Variants in MAN2A1 observed in about 807,000 individuals in gnomAD.
The protein encoded by MAN2A1 is mannosidase alpha class 2A member 1, also known as alpha-mannosidase 2.
A neutral mutation model predicts 142.6 loss-of-function variants in MAN2A1; 76 were observed. The observed-to-expected ratio is 0.53, with a 90% CI of 0.44 to 0.65. The LOEUF is 0.65. Ranked by LOEUF, MAN2A1 falls within the 30% of genes least tolerant of loss-of-function variation. The pLI is 0.00. For synonymous variants in MAN2A1, 559 were observed against 473.2 expected (o/e 1.18, Z -2.35); for missense variants, 1,311 against 1,365.1 (o/e 0.96, Z 0.62).
intron 16 of MAN2A1, among the ~76,000 whole-genome samples, chr5:109,827,811 T>A (rs548237966): frequency 7.6e-4 from 115 of 152,286 alleles, no homozygotes; most frequent in Non-Finnish European, 1.4e-3. Context: ...GTTCAGAATT[T>A]CTAATGAAGG....
At chr5:109,833,876 G>T (rs933463584) in intron 16 of MAN2A1, among the ~76,000 whole-genome samples, 1 of 152,110 alleles carries the variant, frequency 6.6e-6, no homozygotes, top group African/African-American at 2.4e-5. Flanking sequence ...TTCAATTTTG[G>T]TGAAAGCAAG....
At chr5:109,777,185 T>C (rs1432724205) in intron 8 of MAN2A1, among the ~76,000 whole-genome samples, 4 of 152,174 alleles carry the variant, frequency 2.6e-5, no homozygotes, top group Admixed American at 2.6e-4. Flanking sequence ...CCAAAATAGA[T>C]GCATCAATTG....
chr5:109,692,554 C>G (rs1041282288), intron 1 of MAN2A1, among the ~76,000 whole-genome samples: 2 of 152,020 alleles, frequency 1.3e-5, no homozygotes, highest in African/African-American at 4.8e-5. Flanking sequence ...CACTGAGGCA[C>G]GGAGAGATTA....
intron 12 of MAN2A1, among the ~76,000 whole-genome samples, chr5:109,794,526 A>G (rs888782763): frequency 3.3e-5 from 5 of 152,110 alleles, no homozygotes; most frequent in Non-Finnish European, 4.4e-5. Context: ...ATTCAAGGCA[A>G]TAATAGAATA....
intron 12 of MAN2A1, among the ~76,000 whole-genome samples, chr5:109,812,548 C>T (rs550739558): frequency 6.6e-6 from 1 of 151,880 alleles, no homozygotes; most frequent in Non-Finnish European, 1.5e-5. Context: ...GGTTATATTC[C>T]ACTAATGAGG....
chr5:109,828,126 A>T, intron 16 of MAN2A1, among the ~76,000 whole-genome samples: 1 of 106,638 alleles, frequency 9.4e-6, no homozygotes, highest in East Asian at 1.4e-3. Flanking sequence ...AAAGAAAAAA[A>T]GAAAAAAAAT....
At chr5:109,722,057 A>G (rs1751618898) in intron 3 of MAN2A1, among the ~76,000 whole-genome samples, 1 of 152,238 alleles carries the variant, frequency 6.6e-6, no homozygotes, top group Admixed American at 6.5e-5. Context: ...AAATCAAGTG[A>G]TCTTTTTCCA....
chr5:109,775,936 A>G (rs1161138472), intron 8 of MAN2A1, among the ~76,000 whole-genome samples: 3 of 151,810 alleles, frequency 2.0e-5, no homozygotes, highest in Non-Finnish European at 2.9e-5. Context: ...ATACATAATT[A>G]TATATATTTA....
At chr5:109,750,366 G>T (rs1052556274) in intron 4 of MAN2A1, among the ~76,000 whole-genome samples, 7 of 151,886 alleles carry the variant, frequency 4.6e-5, no homozygotes, top group Non-Finnish European at 7.4e-5. Flanking sequence ...GAATCTTCTG[G>T]TTTATTATCT....
intron 20 of MAN2A1, chr5:109,864,364 G>T (rs1755828742): frequency 6.6e-6 from 1 of 152,122 alleles, no homozygotes; most frequent in Non-Finnish European, 1.5e-5. Context: ...TGCAAGAAAA[G>T]GTATACTGAC....
chr5:109,690,411 G>A lies in MAN2A1; in HGVS notation c.-7G>A. 1 of 1,614,062 alleles carries A rather than the reference G, an allele frequency of 6.2e-7. No individual in the cohort carries two copies. The highest frequency in any genetic ancestry group is 8.5e-7 in the Non-Finnish European group (1 of 1,179,920). On this transcript the variant is annotated 5_prime_UTR_variant, in exon 1 of 22. Transcript: ENST00000261483. ...AGAGTGTCCTGGCCCCGAGTCTATCGAGGAAAATGAAGTTAAGCCGCCAGT... is the reference window on the plus strand; with the variant it reads ...AGAGTGTCCTGGCCCCGAGTCTATCAAGGAAAATGAAGTTAAGCCGCCAGT...
chr5:109,810,700 G>T (rs1361371573), intron 12 of MAN2A1, among the ~76,000 whole-genome samples: 2 of 152,168 alleles, frequency 1.3e-5, no homozygotes, highest in African/African-American at 4.8e-5. Flanking sequence ...GAATTGGCAT[G>T]CCCCAGAGTG....
chr5:109,772,754 CCTGCCTCGCCCTCCCAA>C (rs1753183650), intron 7 of MAN2A1, among the ~76,000 whole-genome samples: 1 of 152,146 alleles, frequency 6.6e-6, no homozygotes, highest in Non-Finnish European at 1.5e-5. Context: ...AAATGATCCT[CCTGCCTCGCCCTCCCAA>C]AGTGCTGGGA....
At chr5:109,767,136 C>T (rs962928355) in intron 5 of MAN2A1, among the ~76,000 whole-genome samples, 1 of 152,104 alleles carries the variant, frequency 6.6e-6, no homozygotes, top group Non-Finnish European at 1.5e-5. Flanking sequence ...CGTTACTTTT[C>T]TTTATCATGT....
chr5:109,782,730 C>T (rs1392005066), intron 9 of MAN2A1, among the ~76,000 whole-genome samples: 1 of 151,964 alleles, frequency 6.6e-6, no homozygotes, highest in Non-Finnish European at 1.5e-5. Context: ...TAACCTTTTA[C>T]TGTTACTCGT....
intron 12 of MAN2A1, among the ~76,000 whole-genome samples, chr5:109,816,996 A>G (rs540346510): frequency 6.6e-6 from 1 of 152,140 alleles, no homozygotes; most frequent in East Asian, 1.9e-4. Context: ...AGTATTATGA[A>G]GGGTTTGGAA....
intron 3 of MAN2A1, among the ~76,000 whole-genome samples, chr5:109,728,125 G>C (rs1370911569): frequency 6.6e-6 from 1 of 152,156 alleles, no homozygotes; most frequent in Non-Finnish European, 1.5e-5. Flanking sequence ...ATAATTGTAG[G>C]ATGGATGAGT....
chr5:109,815,864 C>T (rs368786184), intron 12 of MAN2A1, among the ~76,000 whole-genome samples: 92 of 152,144 alleles, frequency 6.0e-4, no homozygotes, highest in African/African-American at 1.7e-3. Context: ...TGTGTTCCTG[C>T]GGTTACAAAA....
chr5:109,860,940 G>A (rs1755739956), intron 20 of MAN2A1, among the ~76,000 whole-genome samples: 1 of 152,116 alleles, frequency 6.6e-6, no homozygotes, highest in Non-Finnish European at 1.5e-5. Context: ...TTAGTTTACA[G>A]TATTTTGTTA....
Sources: allele counts gnomAD v4.1 joint callset (sites outside exome capture counted in the v4.1 genomes callset), GRCh38; gene constraint gnomAD v4.1.1; transcripts MANE v1.5; gene names NCBI Gene and HGNC (gene_info 2026-07-23, HGNC 2026-07-21).